The following SLC35F1 variants were observed in gnomAD, a reference collection of about 807,000 sequenced individuals.
SLC35F1 encodes the protein solute carrier family 35 member F1.
A neutral mutation model predicts 48.7 loss-of-function variants in SLC35F1; 14 were observed. The ratio of observed to expected loss-of-function variants is 0.29; its 90% confidence interval spans 0.19 to 0.45. SLC35F1 has a LOEUF of 0.45. Among genes scored for constraint, SLC35F1 ranks in the 20% least tolerant of loss-of-function variants. SLC35F1 has a pLI of 1.00. For missense variants in SLC35F1, 404 were observed against 500.0 expected (o/e 0.81, Z 1.83); for synonymous variants, 190 against 202.2 (o/e 0.94, Z 0.51).
At chr6:117,921,983 A>T (rs1361286) in intron 1 of SLC35F1, among the ~76,000 whole-genome samples, 28,912 of 152,130 alleles carry the variant, frequency 0.19, 3,451 homozygotes, top group South Asian at 0.29. Context: ...AAGATTTCTT[A>T]GCCAAATTGT....
chr6:118,023,246 ATTTGC>A (rs373703888), intron 1 of SLC35F1, among the ~76,000 whole-genome samples: 14 of 152,284 alleles, frequency 9.2e-5, no homozygotes, highest in African/African-American at 3.4e-4. Flanking sequence ...CAGCTGCATA[ATTTGC>A]TGGACACAAA....
In SLC35F1 at chr6:118,214,873, T is replaced by G. The variant is rs74844513; in HGVS notation, c.350-20636T>G. 7.4e-4 allele frequency among the ~76,000 whole-genome samples: 113 copies of G among 152,280 alleles called. No homozygotes were observed. The East Asian group carries it at 0.015, about 21-fold the overall frequency. ...GCTTAAGGGGTGTAAATCAATGACATCCTTAGTTCTGTTTATGAATGTATG... is the reference window on the plus strand; with the variant it reads ...GCTTAAGGGGTGTAAATCAATGACAGCCTTAGTTCTGTTTATGAATGTATG... On this transcript the variant is annotated intron_variant, in intron 2 of 7. Coordinates refer to ENST00000360388, the MANE Select transcript of SLC35F1 (RefSeq NM_001029858.4).
At chr6:117,938,664 T>A (rs180754016) in intron 1 of SLC35F1, among the ~76,000 whole-genome samples, 1 of 152,328 alleles carries the variant, frequency 6.6e-6, no homozygotes, top group Admixed American at 6.5e-5. Flanking sequence ...TTTCTTCCTT[T>A]TTGGTAATTC....
chr6:118,098,748 G>A (rs1341627679), intron 1 of SLC35F1, among the ~76,000 whole-genome samples: 3 of 152,056 alleles, frequency 2.0e-5, no homozygotes, highest in Non-Finnish European at 4.4e-5. Flanking sequence ...GACTAGATGT[G>A]GACTTTATGT....
intron 1 of SLC35F1, among the ~76,000 whole-genome samples, chr6:118,073,937 C>G (rs1005214263): frequency 1.1e-4 from 16 of 152,064 alleles, no homozygotes; most frequent in Non-Finnish European, 1.5e-5. Flanking sequence ...AGAAATATGG[C>G]CCATTTTTTA....
intron 1 of SLC35F1, among the ~76,000 whole-genome samples, chr6:118,051,979 C>T (rs187065414): frequency 2.1e-4 from 32 of 152,236 alleles, no homozygotes; most frequent in African/African-American, 7.0e-4. Flanking sequence ...TTGCATGACT[C>T]ATGTTCCAAA....
At chr6:118,232,827 G>A (rs537921059) in intron 2 of SLC35F1, among the ~76,000 whole-genome samples, 9 of 152,234 alleles carry the variant, frequency 5.9e-5, no homozygotes, top group African/African-American at 9.6e-5. Flanking sequence ...TTCTTAGCTC[G>A]AGTCACCATG....
At chr6:118,042,825 T>C (rs1008079043) in intron 1 of SLC35F1, among the ~76,000 whole-genome samples, 19 of 152,142 alleles carry the variant, frequency 1.2e-4, no homozygotes, top group African/African-American at 4.3e-4. Context: ...ACCAATTGAA[T>C]GTGGAACATA....
chr6:117,920,066 G>A (rs1018299349), intron 1 of SLC35F1, among the ~76,000 whole-genome samples: 1 of 152,236 alleles, frequency 6.6e-6, no homozygotes, highest in Non-Finnish European at 1.5e-5. Context: ...GCTCAGTGGA[G>A]CTCTTTGTGA....
At chr6:117,997,843 A>C (rs9385026) in intron 1 of SLC35F1, among the ~76,000 whole-genome samples, 98,375 of 151,008 alleles carry the variant, frequency 0.65, 32,101 homozygotes, top group East Asian at 0.81. Context: ...AAGACCATCA[A>C]GGCTAGGAAG....
chr6:118,103,934 T>A (rs1038390643), intron 1 of SLC35F1, among the ~76,000 whole-genome samples: 1 of 152,256 alleles, frequency 6.6e-6, no homozygotes, highest in Non-Finnish European at 1.5e-5. Context: ...TTACTGTGTT[T>A]TATCAGCAGA....
At chr6:118,293,641 G>C (rs755354799) in intron 7 of SLC35F1, among the ~76,000 whole-genome samples, 1 of 152,154 alleles carries the variant, frequency 6.6e-6, no homozygotes, top group Non-Finnish European at 1.5e-5. Context: ...AGGACAATAC[G>C]AGTATACTGA....
At chr6:117,932,217 G>T (rs74602845) in intron 1 of SLC35F1, among the ~76,000 whole-genome samples, 4 of 152,212 alleles carry the variant, frequency 2.6e-5, no homozygotes. Flanking sequence ...CACCTGGAAT[G>T]TGGATTTCCC....
chr6:118,076,992 G>A (rs143178058), intron 1 of SLC35F1, among the ~76,000 whole-genome samples: 13 of 152,076 alleles, frequency 8.5e-5, no homozygotes, highest in Non-Finnish European at 1.3e-4. Flanking sequence ...AGCCTCTTTC[G>A]TCTTCTCCAT....
Position 118,316,174 on chromosome 6 carries a change from C to G in SLC35F1, c.*1922C>G, listed in dbSNP as rs567023585. ...ATCCCACACTGTCTGTCAGCACCCA[C>G]ATGGCCTTTTTGCCTGCCTTCTATA... is the stretch of plus-strand genomic sequence containing the variant. On this transcript the variant is annotated 3_prime_UTR_variant, in exon 8 of 8. Coordinates refer to ENST00000360388, the MANE Select transcript of SLC35F1 (RefSeq NM_001029858.4). 1 of 152,232 alleles carries G rather than the reference C, an allele frequency of 6.6e-6. No individual in the cohort carries two copies. Among genetic ancestry groups the G allele is most frequent in the African/African-American group, 2.4e-5 (1 of 41,442 alleles). 9.4% of individuals were successfully genotyped at this position (152,232 alleles called of 1,614,324 possible).
intron 1 of SLC35F1, among the ~76,000 whole-genome samples, chr6:118,068,224 G>C (rs80353002): frequency 0.015 from 2,215 of 152,230 alleles, 62 homozygotes; most frequent in African/African-American, 0.05. Flanking sequence ...ATCTTCTCCA[G>C]AAACACGTTC....
chr6:117,958,387 T>C (rs1776453900), intron 1 of SLC35F1, among the ~76,000 whole-genome samples: 1 of 152,204 alleles, frequency 6.6e-6, no homozygotes, highest in Non-Finnish European at 1.5e-5. Context: ...GCTTATGGTC[T>C]ACAGCGGTGC....
At position 118,051,471 on chromosome 6, in the gene SLC35F1, G is replaced by T. The variant is rs1055545541; in HGVS notation, c.174-102974G>T. Among the ~76,000 whole-genome samples, 5 of 151,988 alleles carry T rather than the reference G, an allele frequency of 3.3e-5. No individual in the cohort carries two copies. The East Asian group carries it at 7.7e-4, about 23-fold the overall frequency. On this transcript the variant is annotated intron_variant, in intron 1 of 7. Transcript: ENST00000360388. ...TACTTTTTCAAAAAGATAAATAAAA[G>T]AATTTTCTAAATACTATAGTTAGAA...
At chr6:117,955,401 C>T (rs1219519901) in intron 1 of SLC35F1, among the ~76,000 whole-genome samples, 3 of 152,124 alleles carry the variant, frequency 2.0e-5, no homozygotes, top group Admixed American at 1.3e-4. Flanking sequence ...GAAATGGATT[C>T]CTGTTTGGAA....
Sources: allele counts gnomAD v4.1 joint callset (sites outside exome capture counted in the v4.1 genomes callset), GRCh38; gene constraint gnomAD v4.1.1; transcripts MANE v1.5; gene names NCBI Gene and HGNC (gene_info 2026-07-23, HGNC 2026-07-21).